Variants in CGREF1 observed in about 807,000 individuals in gnomAD.
The protein encoded by CGREF1 is cell growth regulator with EF-hand domain 1, also known as cell growth regulator with EF hand domain protein 1.
CGREF1 carries 16 observed loss-of-function variants against 17.4 expected under a neutral mutation model. That is an observed-to-expected ratio of 0.92 (90% confidence interval 0.62 to 1.40). The LOEUF is 1.40. Ranked by LOEUF, CGREF1 falls within the 40% of genes most tolerant of loss-of-function variation. The pLI is 0.00. For missense variants in CGREF1, 296 were observed against 376.4 expected, an observed-to-expected ratio of 0.79 and a Z score of 1.77; for synonymous variants, 142 against 154.6, an observed-to-expected ratio of 0.92 and a Z score of 0.61.
At chr2:27,104,751 C>A (rs764450946) in intron 1 of CGREF1, 57 of 1,495,024 alleles carry the variant, frequency 3.8e-5, no homozygotes, top group Non-Finnish European at 3.4e-5. Context: ...TGGAAAGGAG[C>A]GCAGAAAGTT....
At chr2:27,116,174 G>A (rs1017354699) in intron 1 of CGREF1, among the ~76,000 whole-genome samples, 1 of 148,912 alleles carries the variant, frequency 6.7e-6, no homozygotes, top group Admixed American at 6.8e-5. Flanking sequence ...GCTGCAGTGA[G>A]CTATAATTAC....
chr2:27,118,275 G>C (rs901813206), intron 1 of CGREF1, among the ~76,000 whole-genome samples: 1 of 152,138 alleles, frequency 6.6e-6, no homozygotes, highest in African/African-American at 2.4e-5. Context: ...CACCTCACAG[G>C]CCGGCAGTTC....
chr2:27,116,673 G>A lies in CGREF1; in HGVS notation c.-12+2173C>T, dbSNP rs184172485. 4.4e-3 allele frequency among the ~76,000 whole-genome samples: 665 copies of A among 151,290 alleles called. 8 individuals are homozygous for A. The highest frequency in any genetic ancestry group is 0.015 in the African/African-American group (617 of 41,238). On this transcript the variant is annotated intron_variant, in intron 1 of 5. Coordinates refer to ENST00000402394, the MANE Select transcript of CGREF1 (RefSeq NM_006569.6). ...CAACCTCCACCTCCCGAGTTCAAGC[G>A]ATTCTCCTGCCTCAGCCTCCCGAGT...
chr2:27,112,965 C>T (rs999164288), intron 1 of CGREF1, among the ~76,000 whole-genome samples: 3 of 152,160 alleles, frequency 2.0e-5, no homozygotes, highest in Non-Finnish European at 4.4e-5. Context: ...AGAAATCTCC[C>T]TAGAAACCCT....
Position 27,104,299 on chromosome 2 carries a change from T to C in CGREF1, c.68A>G (p.Asp23Gly), listed in dbSNP as rs1671031287. 6.4e-7 allele frequency: 1 copy of C among 1,562,708 alleles called. No individual in the cohort carries two copies. Among genetic ancestry groups the C allele is most frequent in the African/African-American group, 1.4e-5 (1 of 73,644 alleles). The change falls in exon 2 of 6, where the codon GAT becomes GGT. Residue 23 changes from aspartate to glycine, a missense_variant. This residue lies in a region of CGREF1 where 247 missense variants were observed against 267.2 expected (regional missense o/e 0.92). Coordinates refer to ENST00000402394, the MANE Select transcript of CGREF1 (RefSeq NM_006569.6). ...LLPTGQAAPK[D>G]GVTRPDSEVQ... ...ATAACCCTGTTACCTTGTGACTCCA[T>C]CCTTTGGGGCAGCCTGACCCGTGGG... is the stretch of plus-strand genomic sequence containing the variant.
intron 1 of CGREF1, among the ~76,000 whole-genome samples, chr2:27,112,150 G>A (rs937204567): frequency 1.3e-5 from 2 of 152,144 alleles, no homozygotes; most frequent in African/African-American, 4.8e-5. Flanking sequence ...GGTGGTGCAC[G>A]CCTGTAGTCC....
chr2:27,104,734 T>C, intron 1 of CGREF1: 1 of 1,519,326 alleles, frequency 6.6e-7, no homozygotes, highest in Non-Finnish European at 8.8e-7. Flanking sequence ...CCCATTCATC[T>C]TACAGATGGA....
At chr2:27,116,172 G>A (rs1243978129) in intron 1 of CGREF1, among the ~76,000 whole-genome samples, 2 of 148,652 alleles carry the variant, frequency 1.3e-5, no homozygotes, top group African/African-American at 5.0e-5. Context: ...AGGCTGCAGT[G>A]AGCTATAATT....
chr2:27,110,334 T>A (rs1332276512), intron 1 of CGREF1, among the ~76,000 whole-genome samples: 1 of 152,168 alleles, frequency 6.6e-6, no homozygotes, highest in African/African-American at 2.4e-5. Context: ...CGTGGGACAT[T>A]GAGGCAGTAG....
chr2:27,110,333 T>C (rs1671317302), intron 1 of CGREF1, among the ~76,000 whole-genome samples: 1 of 152,048 alleles, frequency 6.6e-6, no homozygotes, highest in Non-Finnish European at 1.5e-5. Context: ...ACGTGGGACA[T>C]TGAGGCAGTA....
intron 2 of CGREF1, 145 bp downstream of exon 2, chr2:27,104,142 G>C (rs910509803): frequency 3.7e-6 from 3 of 800,200 alleles, no homozygotes; most frequent in African/African-American, 3.5e-5. Context: ...ACAGGCACAA[G>C]ATGGGAGGCT....
chr2:27,115,484 T>G (rs1671535325), intron 1 of CGREF1, among the ~76,000 whole-genome samples: 1 of 152,218 alleles, frequency 6.6e-6, no homozygotes, highest in African/African-American at 2.4e-5. Context: ...AATATTTACC[T>G]CACAGGGTTA....
chr2:27,118,983 A>C lies in CGREF1; in HGVS notation c.-149T>G, dbSNP rs1671693818. ...CGCTCCACGTCGCCCTCCCGGCTGG[A>C]GCCGCCGCCCTGGCCGGGCAGAGTC... On this transcript the variant is annotated 5_prime_UTR_variant, in exon 1 of 6. Transcript: ENST00000402394. 6.6e-6 allele frequency: 1 copy of C among 151,832 alleles called. No individual in the cohort carries two copies. Among genetic ancestry groups the C allele is most frequent in the Non-Finnish European group, 1.5e-5 (1 of 67,768 alleles). The allele number at this position is 151,832 out of a possible 1,614,324, so 9.4% of individuals were successfully genotyped here.
intron 1 of CGREF1, among the ~76,000 whole-genome samples, chr2:27,105,779 T>C (rs1671097805): frequency 6.6e-6 from 1 of 152,226 alleles, no homozygotes; most frequent in Admixed American, 6.5e-5. Flanking sequence ...ACACCTGACC[T>C]CAGGTGATCT....
chr2:27,116,912 TC>T (rs1558466948), intron 1 of CGREF1, among the ~76,000 whole-genome samples: 7,416 of 106,900 alleles, frequency 0.069, 543 homozygotes, highest in Non-Finnish European at 0.094. Context: ...TCTCTCTCTC[TC>T]TCTCTCTCTC....
intron 2 of CGREF1, chr2:27,103,054 G>C (rs1005008781): frequency 1.0e-6 from 1 of 985,232 alleles, no homozygotes; most frequent in Admixed American, 6.2e-5. Flanking sequence ...CTTTTTCCAG[G>C]ACAGGGTGTA....
chr2:27,110,239 A>G (rs968805439), intron 1 of CGREF1, among the ~76,000 whole-genome samples: 3 of 152,078 alleles, frequency 2.0e-5, no homozygotes, highest in Admixed American at 6.6e-5. Context: ...TACAGAAAAT[A>G]ATTTTTAAAA....
chr2:27,099,753 G>A (rs768683593), downstream of CGREF1: 9 of 1,613,642 alleles, frequency 5.6e-6, no homozygotes, highest in Non-Finnish European at 7.6e-6. Context: ...TCGTGTGAGA[G>A]CAGGTGCCGG....
downstream of CGREF1, chr2:27,099,908 G>C (rs1670702014): frequency 6.7e-7 from 1 of 1,489,762 alleles, no homozygotes; most frequent in African/African-American, 1.4e-5. Flanking sequence ...CACAGGGAGA[G>C]GCTCTGGGGG....
Sources: allele counts gnomAD v4.1 joint callset (sites outside exome capture counted in the v4.1 genomes callset), GRCh38; gene constraint gnomAD v4.1.1; regional missense constraint gnomAD v4.1.1; transcripts MANE v1.5; gene names NCBI Gene and HGNC (gene_info 2026-07-23, HGNC 2026-07-21).